Variants in CFAP54 observed in about 807,000 individuals in gnomAD.
The protein encoded by CFAP54 is cilia- and flagella-associated protein 54.
CFAP54 carries 290 observed loss-of-function variants against 370.4 expected under a neutral mutation model. The observed-to-expected ratio is 0.78, with a 90% CI of 0.71 to 0.86. The LOEUF is 0.86. Among genes scored for constraint, CFAP54 ranks in the 40% least tolerant of loss-of-function variants. The pLI is 0.00. For synonymous variants in CFAP54, 1,206 were observed against 1,236.5 expected, an observed-to-expected ratio of 0.98 and a Z score of 0.52; for missense variants, 3,399 against 3,528.7, an observed-to-expected ratio of 0.96 and a Z score of 0.93.
intron 55 of CFAP54, among the ~76,000 whole-genome samples, chr12:96,746,422 A>C (rs1292362309): frequency 6.6e-6 from 1 of 151,964 alleles, no homozygotes; most frequent in Non-Finnish European, 1.5e-5. Context: ...ATCACTCTTG[A>C]GTTCATCACC....
At position 96,684,872 on chromosome 12, in the gene CFAP54, A is replaced by G. The variant is rs1957308468; in HGVS notation, c.5804+137A>G. ...CTACATTGCTACATTTTATTCATCA[A>G]ATGCTACCTGAGAGAAACCATTAAG... On this transcript the variant is annotated intron_variant, in intron 41 of 67. Coordinates refer to ENST00000524981, the MANE Select transcript of CFAP54 (RefSeq NM_001306084.2). The G allele has an allele frequency of 3.2e-6, 3 of 946,618 alleles. No individual in the cohort carries two copies. The Admixed American group carries it at 7.7e-5, about 24-fold the overall frequency. The allele number at this position is 946,618 out of a possible 1,614,324, so 58.6% of individuals were successfully genotyped here.
intron 32 of CFAP54, among the ~76,000 whole-genome samples, chr12:96,638,184 C>CATATATAT (rs61605059): frequency 0.024 from 3,310 of 137,522 alleles, 117 homozygotes; most frequent in African/African-American, 0.071. Flanking sequence ...TTAGCTGCAT[C>CATATATAT]ATATATATAT....
Position 96,679,758 on chromosome 12 carries a change from A to T in CFAP54, c.5716+6A>T. 1 of 1,611,704 alleles carries T rather than the reference A, an allele frequency of 6.2e-7. No individual in the cohort carries two copies. Among genetic ancestry groups the T allele is most frequent in the Non-Finnish European group, 8.5e-7 (1 of 1,178,784 alleles). On this transcript the variant is annotated splice_donor_region_variant and intron_variant, in intron 40 of 67. Coordinates refer to ENST00000524981, the MANE Select transcript of CFAP54 (RefSeq NM_001306084.2). ...ATTTCTTGCACAGACACAAGGTAAAATGCATGTTCTGTATCTCTGAATCTT... is the reference window on the plus strand; with the variant it reads ...ATTTCTTGCACAGACACAAGGTAAATTGCATGTTCTGTATCTCTGAATCTT...
chr12:96,589,423 A>G lies in CFAP54; in HGVS notation c.3076-4A>G, dbSNP rs563167926. On this transcript the variant is annotated splice_region_variant and splice_polypyrimidine_tract_variant and intron_variant, in intron 22 of 67. Coordinates refer to ENST00000524981, the MANE Select transcript of CFAP54 (RefSeq NM_001306084.2). ...ATTACATAAATATGTGCTTTTTGTTATAGGTTGCCTATCAAGTTGGTAACT... is the reference window on the plus strand; with the variant it reads ...ATTACATAAATATGTGCTTTTTGTTGTAGGTTGCCTATCAAGTTGGTAACT... 1.3e-6 allele frequency: 2 copies of G among 1,523,270 alleles called. No individual in the cohort carries two copies. The highest frequency in any genetic ancestry group is 2.5e-5 in the East Asian group (1 of 40,764). The allele number at this position is 1,523,270 out of a possible 1,614,324, so 94.4% of individuals were successfully genotyped here. A position where few individuals can be genotyped will look rare whatever the true frequency, so the allele number is the denominator to read the frequency against.
chr12:96,647,607 G>A, intron 33 of CFAP54, among the ~76,000 whole-genome samples: 1 of 151,174 alleles, frequency 6.6e-6, no homozygotes, highest in Non-Finnish European at 1.5e-5. Flanking sequence ...AGAGCTCACA[G>A]AGCCGGCACA....
intron 8 of CFAP54, among the ~76,000 whole-genome samples, chr12:96,524,036 C>T (rs761888277): frequency 6.6e-6 from 1 of 151,666 alleles, no homozygotes; most frequent in African/African-American, 2.4e-5. Context: ...TGCAGAATGT[C>T]CTGTTTTCTG....
intron 63 of CFAP54, among the ~76,000 whole-genome samples, chr12:96,801,419 G>A (rs754590310): frequency 1.3e-5 from 2 of 152,066 alleles, no homozygotes; most frequent in Admixed American, 6.5e-5. Context: ...AATCTTATAC[G>A]GAGAAATACT....
intron 66 of CFAP54, among the ~76,000 whole-genome samples, chr12:96,854,178 T>C (rs1317040381): frequency 1.3e-5 from 2 of 152,142 alleles, no homozygotes; most frequent in Non-Finnish European, 2.9e-5. Flanking sequence ...TACTATAAAA[T>C]AGGTGGACTA....
Position 96,533,818 on chromosome 12 carries a change from CTTGAT to C in CFAP54, c.1387_1391del (p.Asp463SerfsTer32). ...GTCAAATATTGGTGCAGATGGAATG[CTTGAT>C]TTTCCAAAAACATCTCTTCTGGAAC... On this transcript the variant is annotated frameshift_variant, in exon 10 of 68. Transcript: ENST00000524981. LOFTEE classifies it high-confidence loss of function. The C allele has an allele frequency of 2.6e-6, 4 of 1,528,150 alleles. No individual in the cohort carries two copies. Among genetic ancestry groups the C allele is most frequent in the Non-Finnish European group, 3.5e-6 (4 of 1,144,598 alleles). 94.7% of individuals were successfully genotyped at this position (1,528,150 alleles called of 1,614,324 possible). A position where few individuals can be genotyped will look rare whatever the true frequency, so the allele number is the denominator to read the frequency against.
intron 22 of CFAP54, among the ~76,000 whole-genome samples, chr12:96,581,919 T>C (rs1956036660): frequency 6.6e-6 from 1 of 152,134 alleles, no homozygotes; most frequent in Non-Finnish European, 1.5e-5. Flanking sequence ...TACTTTCCAG[T>C]CTTTTGCTAT....
At chr12:96,529,980 A>G (rs1234838868) in intron 9 of CFAP54, among the ~76,000 whole-genome samples, 5 of 152,340 alleles carry the variant, frequency 3.3e-5, no homozygotes, top group East Asian at 1.9e-4. Flanking sequence ...TATGAGGTCT[A>G]TAATTAGAAA....
intron 39 of CFAP54, among the ~76,000 whole-genome samples, chr12:96,665,991 T>A (rs1278892171): frequency 6.6e-6 from 1 of 152,204 alleles, no homozygotes; most frequent in Non-Finnish European, 1.5e-5. Flanking sequence ...ATCTCTGATT[T>A]CTTTGAGCAG....
Position 96,674,696 on chromosome 12 carries a change from T to C in CFAP54, c.5564-4904T>C, listed in dbSNP as rs550980023. On this transcript the variant is annotated intron_variant, in intron 39 of 67. Coordinates refer to ENST00000524981, the MANE Select transcript of CFAP54 (RefSeq NM_001306084.2). The stretch of plus-strand genomic sequence containing the variant: ...AGATAAAAAAGTAGTGGGATGATTT[T>C]ATTCAGACTGTTCTTGTTATAAATA... Among the ~76,000 whole-genome samples, 14 of 152,348 alleles carry C rather than the reference T, an allele frequency of 9.2e-5. 1 individual carries two copies. The highest frequency in any genetic ancestry group is 3.4e-4 in the African/African-American group (14 of 41,592).
At chr12:96,680,505 C>T (rs946275557) in intron 40 of CFAP54, among the ~76,000 whole-genome samples, 1 of 152,006 alleles carries the variant, frequency 6.6e-6, no homozygotes, top group Non-Finnish European at 1.5e-5. Flanking sequence ...TAGACAAATA[C>T]ATGTAAAATA....
At chr12:96,756,199 G>T (rs748188112) in intron 56 of CFAP54, among the ~76,000 whole-genome samples, 3 of 152,162 alleles carry the variant, frequency 2.0e-5, no homozygotes, top group Non-Finnish European at 4.4e-5. Flanking sequence ...AGTTAGATGG[G>T]AAGATGGGAA....
intron 9 of CFAP54, among the ~76,000 whole-genome samples, chr12:96,532,678 T>C (rs1261102902): frequency 6.6e-6 from 1 of 152,086 alleles, no homozygotes; most frequent in Admixed American, 6.6e-5. Context: ...TGGAGTGCAA[T>C]GGTGCGATCA....
chr12:96,589,888 A>C (rs895821278), intron 23 of CFAP54, among the ~76,000 whole-genome samples: 4 of 152,154 alleles, frequency 2.6e-5, no homozygotes, highest in African/African-American at 9.7e-5. Flanking sequence ...CTGGGATTAC[A>C]GGTGTGCACC....
intron 48 of CFAP54, among the ~76,000 whole-genome samples, chr12:96,711,423 G>A (rs1291588023): frequency 6.6e-6 from 1 of 151,982 alleles, no homozygotes; most frequent in Non-Finnish European, 1.5e-5. Context: ...ACACTTATGA[G>A]TTGGGAAAAA....
chr12:96,580,976 GTA>G lies in CFAP54; in HGVS notation c.2948_2949del (p.Tyr983CysfsTer9). On this transcript the variant is annotated frameshift_variant, in exon 22 of 68. Transcript: ENST00000524981. LOFTEE classifies it high-confidence loss of function. Reference sequence around the variant, plus strand: ...TGAAAGGTTTAGAAACCAATGAAAAGTATGTATTTGCAGTTGCTGCCTATTCT... The same window carrying G: ...TGAAAGGTTTAGAAACCAATGAAAAGTGTATTTGCAGTTGCTGCCTATTCT... ...EVKGLETNEKYVFAVAAYSNN... is the reference protein window; with the variant it reads ...EVKGLETNEKXVFAVAAYSNN... The G allele has an allele frequency of 6.5e-7, 1 of 1,533,510 alleles. No individual in the cohort carries two copies. Among genetic ancestry groups the G allele is most frequent in the Non-Finnish European group, 8.7e-7 (1 of 1,145,418 alleles). 95.0% of individuals were successfully genotyped at this position (1,533,510 alleles called of 1,614,324 possible). A position where few individuals can be genotyped will look rare whatever the true frequency, so the allele number is the denominator to read the frequency against.
Sources: gnomAD v4.1 joint callset for allele counts (sites outside exome capture counted in the v4.1 genomes callset) on GRCh38, gnomAD v4.1.1 for gene constraint, MANE v1.5 for transcripts, NCBI Gene and HGNC (gene_info 2026-07-23, HGNC 2026-07-21) for gene names.